Variants in NDUFS5 observed in about 807,000 individuals in gnomAD.
The protein encoded by NDUFS5 is NADH:ubiquinone oxidoreductase subunit S5, also known as NADH dehydrogenase [ubiquinone] iron-sulfur protein 5.
In NDUFS5, 7 loss-of-function variants were observed where a neutral mutation model predicts 10.5. The observed-to-expected ratio is 0.66, with a 90% CI of 0.38 to 1.25. The LOEUF is 1.25. Among genes scored for constraint, NDUFS5 ranks in the 50% most tolerant of loss-of-function variants. NDUFS5 has a pLI of 0.02. For missense variants in NDUFS5, 148 were observed against 140.7 expected, an observed-to-expected ratio of 1.05 and a Z score of -0.26; for synonymous variants, 38 against 44.0, an observed-to-expected ratio of 0.86 and a Z score of 0.54.
chr1:39,028,238 C>A (rs1288335668), intron 1 of NDUFS5, among the ~76,000 whole-genome samples: 2 of 151,774 alleles, frequency 1.3e-5, no homozygotes, highest in Non-Finnish European at 2.9e-5. Context: ...TCAAGACCAG[C>A]CTCGCCAACA....
At chr1:39,027,032 A>T (rs560540824) in intron 1 of NDUFS5, among the ~76,000 whole-genome samples, 1 of 152,322 alleles carries the variant, frequency 6.6e-6, no homozygotes, top group East Asian at 1.9e-4. Flanking sequence ...CTACTCAGTA[A>T]ATGATGACTG....
At chr1:39,031,049 T>C (rs1644187576) in intron 2 of NDUFS5, among the ~76,000 whole-genome samples, 1 of 152,018 alleles carries the variant, frequency 6.6e-6, no homozygotes, top group Admixed American at 6.6e-5. Context: ...TTTTGTATTT[T>C]AGCAGAGACA....
rs755999213 is a variant in NDUFS5 at position 39,034,464 on chromosome 1, C to T, written c.289C>T (p.His97Tyr). Reference protein sequence around the residue: ...IKEGKYTPPPHHIGKGEPRP With the variant: ...IKEGKYTPPPYHIGKGEPRP ...GGAAGGAAAGTACACCCCTCCACCTCACCACATTGGCAAGGGGGAGCCTCG... is the reference window on the plus strand; with the variant it reads ...GGAAGGAAAGTACACCCCTCCACCTTACCACATTGGCAAGGGGGAGCCTCG... The change falls in exon 3 of 3, where the codon CAC (histidine) becomes TAC (tyrosine). Residue 97 changes from histidine to tyrosine, a missense_variant. Transcript: ENST00000372969. 5.6e-6 allele frequency: 9 copies of T among 1,613,638 alleles called. No homozygotes were observed. In the East Asian group the frequency reaches 6.7e-5, roughly 12 times the overall value.
chr1:39,027,667 C>T (rs112203617), intron 1 of NDUFS5, among the ~76,000 whole-genome samples: 2,305 of 135,822 alleles, frequency 0.017, 58 homozygotes, highest in African/African-American at 0.055. Context: ...AAGCCTTGAA[C>T]TCCTGGCCTC....
intron 1 of NDUFS5, among the ~76,000 whole-genome samples, chr1:39,027,581 G>GTTTTTTTGTTT (rs1553165580): frequency 1.1e-5 from 1 of 91,134 alleles, no homozygotes; most frequent in Admixed American, 1.4e-4. Flanking sequence ...TTTCGCTCTG[G>GTTTTTTTGTTT]TTTTTTTTTT....
intron 2 of NDUFS5, among the ~76,000 whole-genome samples, chr1:39,033,565 G>A (rs1388399878): frequency 3.5e-5 from 5 of 140,998 alleles, no homozygotes; most frequent in Non-Finnish European, 6.2e-5. Flanking sequence ...ACAGTAGCGC[G>A]ATCTCAACTC....
At chr1:39,030,234 G>A (rs1482042807) in intron 2 of NDUFS5, among the ~76,000 whole-genome samples, 2 of 151,542 alleles carry the variant, frequency 1.3e-5, no homozygotes, top group Admixed American at 1.3e-4. Flanking sequence ...GTGAAACCCC[G>A]TCTCTACTAA....
chr1:39,027,134 G>A (rs552199655), intron 1 of NDUFS5, among the ~76,000 whole-genome samples: 1 of 152,102 alleles, frequency 6.6e-6, no homozygotes, highest in African/African-American at 2.4e-5. Flanking sequence ...AGAGTGGCGC[G>A]ATCTCGGCTC....
intron 2 of NDUFS5, 136 bp downstream of exon 2, chr1:39,029,076 T>A: frequency 1.3e-6 from 1 of 783,390 alleles, no homozygotes; most frequent in Non-Finnish European, 2.0e-6. Context: ...CACTGTAGCC[T>A]CTGCCTCCCA....
intron 1 of NDUFS5, 129 bp from the exon 2 acceptor site, chr1:39,028,594 G>A: frequency 1.2e-6 from 1 of 833,604 alleles, no homozygotes; most frequent in Non-Finnish European, 2.0e-6. Flanking sequence ...AAGAAATCAG[G>A]AGAATAATAT....
intron 2 of NDUFS5, among the ~76,000 whole-genome samples, chr1:39,030,004 T>C (rs1028542530): frequency 6.6e-6 from 1 of 151,738 alleles, no homozygotes; most frequent in Non-Finnish European, 1.5e-5. Context: ...GGCAGAAGAA[T>C]TGCTTGAACC....
chr1:39,028,994 CT>C (rs35464164), intron 2 of NDUFS5, 54 bp downstream of exon 2: 51,069 of 1,139,534 alleles, frequency 0.045, 5 homozygotes, highest in East Asian at 0.1. Context: ...CTTTGGGACT[CT>C]TTTTTTTTTT....
At chr1:39,033,816 A>C (rs1447100950) in intron 2 of NDUFS5, among the ~76,000 whole-genome samples, 2 of 146,124 alleles carry the variant, frequency 1.4e-5, no homozygotes. Flanking sequence ...TTATTTATTT[A>C]TTGAGACAAA....
At chr1:39,031,808 A>G (rs1324575130) in intron 2 of NDUFS5, among the ~76,000 whole-genome samples, 1 of 152,228 alleles carries the variant, frequency 6.6e-6, no homozygotes, top group East Asian at 1.9e-4. Flanking sequence ...ATTAGAATCA[A>G]GTCCTATTGT....
chr1:39,030,014 C>T (rs1287504105), intron 2 of NDUFS5, among the ~76,000 whole-genome samples: 2 of 151,898 alleles, frequency 1.3e-5, no homozygotes, highest in Non-Finnish European at 2.9e-5. Context: ...TTGCTTGAAC[C>T]CGGGAGGCGG....
At chr1:39,030,417 A>AAG (rs1233778249) in intron 2 of NDUFS5, among the ~76,000 whole-genome samples, 1 of 145,102 alleles carries the variant, frequency 6.9e-6, no homozygotes. Context: ...GAAAAAAAAA[A>AAG]AAAAGATGGC....
At chr1:39,029,118 G>A (rs899947548) in intron 2 of NDUFS5, among the ~76,000 whole-genome samples, 178 bp downstream of exon 2, 6 of 151,082 alleles carry the variant, frequency 4.0e-5, no homozygotes, top group South Asian at 4.2e-4. Context: ...TCAGCCTCCC[G>A]AGTAGCTGGG....
chr1:39,029,154 G>A (rs1644173340), intron 2 of NDUFS5, among the ~76,000 whole-genome samples: 1 of 151,912 alleles, frequency 6.6e-6, no homozygotes, highest in Non-Finnish European at 1.5e-5. Flanking sequence ...CACCACGCCT[G>A]GCTAATTTTT....
intron 2 of NDUFS5, among the ~76,000 whole-genome samples, chr1:39,032,905 A>C (rs1429650997): frequency 3.3e-5 from 5 of 152,206 alleles, no homozygotes; most frequent in African/African-American, 1.2e-4. Flanking sequence ...GGGGAATATT[A>C]AGAGATGAAG....
Sources: allele counts gnomAD v4.1 joint callset (sites outside exome capture counted in the v4.1 genomes callset), GRCh38; gene constraint gnomAD v4.1.1; transcripts MANE v1.5; gene names NCBI Gene and HGNC (gene_info 2026-07-23, HGNC 2026-07-21).